Variants in DYNC2H1 observed in about 807,000 individuals in gnomAD.
DYNC2H1 encodes the protein cytoplasmic dynein 2 heavy chain 1.
A neutral mutation model predicts 570.0 loss-of-function variants in DYNC2H1; 410 were observed. That is an observed-to-expected ratio of 0.72 (90% CI 0.66 to 0.78). DYNC2H1 has a LOEUF of 0.78. Among genes scored for constraint, DYNC2H1 ranks in the 30% least tolerant of loss-of-function variants. The probability of loss-of-function intolerance (pLI) is 0.00; values close to 1 mark genes in which losing one functional copy is unlikely to be tolerated. For synonymous variants in DYNC2H1, 1,688 were observed against 1,677.6 expected (o/e 1.01, Z -0.15); for missense variants, 4,865 against 5,046.4 (o/e 0.96, Z 1.09).
rs187446346 is a variant in DYNC2H1, at chr11:103,319,588, G to C, written c.11726-1441G>C. Among the ~76,000 whole-genome samples, 88 of 152,128 alleles carry C rather than the reference G, an allele frequency of 5.8e-4. No individual in the cohort carries two copies. The highest frequency in any genetic ancestry group is 2.0e-3 in the African/African-American group (84 of 41,530). ...TCAGTAATTGTTGGCTGTTATTATT[G>C]CTATTGTTGTAATTTAAGTTCTATT... On this transcript the variant is annotated intron_variant, in intron 80 of 88. Coordinates refer to ENST00000375735, the MANE Select transcript of DYNC2H1 (RefSeq NM_001377.3). This position sits in a 1 kb window ranked among gnomAD's most constrained non-coding sequence, Gnocchi z 4.3.
intron 83 of DYNC2H1, among the ~76,000 whole-genome samples, 176 bp downstream of exon 83, chr11:103,358,535 ACT>A (rs970595780): frequency 1.6e-4 from 25 of 151,938 alleles, no homozygotes; most frequent in Non-Finnish European, 2.8e-4. Flanking sequence ...AGTATTTTTT[ACT>A]CTCTCTTTTA....
intron 82 of DYNC2H1, among the ~76,000 whole-genome samples, chr11:103,357,795 A>C (rs759892937): frequency 8.6e-4 from 131 of 152,012 alleles, no homozygotes; most frequent in Middle Eastern, 3.4e-3. Flanking sequence ...TCTACCAAAA[A>C]TAAAATTAGC....
At chr11:103,240,290 G>A (rs1333877530) in intron 63 of DYNC2H1, among the ~76,000 whole-genome samples, 1 of 152,078 alleles carries the variant, frequency 6.6e-6, no homozygotes, top group Non-Finnish European at 1.5e-5. Flanking sequence ...CTGAAGATGT[G>A]TCATTCACTC....
rs1227752015 is a variant in DYNC2H1, at chr11:103,261,246, G to A, written c.10695+1269G>A. On this transcript the variant is annotated intron_variant, in intron 70 of 88. Transcript: ENST00000375735. The surrounding 1 kb of genome is among the most constrained non-coding windows in gnomAD (Gnocchi z 4.8). ...ATCTCCCTGAGACAGAGCAGCTGGG[G>A]GGAAGGGGTGGCTGTGGGCGCAGCA... Among the ~76,000 whole-genome samples, 5 of 151,382 alleles carry A rather than the reference G, an allele frequency of 3.3e-5. No homozygotes were observed. Among genetic ancestry groups the A allele is most frequent in the African/African-American group, 1.2e-4 (5 of 41,444 alleles).
At chr11:103,457,756 T>C (rs1032867441) in intron 87 of DYNC2H1, among the ~76,000 whole-genome samples, 1 of 152,142 alleles carries the variant, frequency 6.6e-6, no homozygotes, top group African/African-American at 2.4e-5. Flanking sequence ...ATTACAGGCA[T>C]GAGCTATTGC....
intron 50 of DYNC2H1, among the ~76,000 whole-genome samples, chr11:103,200,671 C>G (rs1341901165): frequency 6.6e-6 from 1 of 152,068 alleles, no homozygotes; most frequent in African/African-American, 2.4e-5. Flanking sequence ...TACATATACT[C>G]CAGATATATG....
chr11:103,267,966 T>A (rs989654436), intron 70 of DYNC2H1, among the ~76,000 whole-genome samples: 5 of 152,120 alleles, frequency 3.3e-5, no homozygotes, highest in Admixed American at 1.3e-4. Context: ...AATATGACCA[T>A]GTACTACTTC....
intron 50 of DYNC2H1, 21 bp downstream of exon 50, chr11:103,200,175 C>A (rs540242319): frequency 4.9e-6 from 7 of 1,437,782 alleles, no homozygotes; most frequent in African/African-American, 2.9e-5. Context: ...AGTTTCTTTT[C>A]GAAGAAAATA....
chr11:103,439,172 G>A lies in DYNC2H1; in HGVS notation c.12456+3140G>A, dbSNP rs1944171746. On this transcript the variant is annotated intron_variant, in intron 85 of 88. Transcript: ENST00000375735. This position sits in a 1 kb window ranked among gnomAD's most constrained non-coding sequence, Gnocchi z 4.1. ...GTGATAAAGGAAGTACAGTATTATG[G>A]AAGCAAATAGCACTATTTAACCTAG... 6.6e-6 allele frequency among the ~76,000 whole-genome samples: 1 copy of A among 152,044 alleles called. No homozygotes were observed.
intron 82 of DYNC2H1, among the ~76,000 whole-genome samples, chr11:103,336,663 T>C (rs1939149745): frequency 6.6e-6 from 1 of 152,236 alleles, no homozygotes; most frequent in South Asian, 2.1e-4. Flanking sequence ...TGAAATAATA[T>C]TCCATTGTTT....
chr11:103,379,417 A>G (rs1015481889), intron 83 of DYNC2H1, among the ~76,000 whole-genome samples: 1 of 152,156 alleles, frequency 6.6e-6, no homozygotes, highest in African/African-American at 2.4e-5. Context: ...CAGTTTTCCA[A>G]AATTTTTATA....
chr11:103,171,507 C>T (rs149827656), intron 34 of DYNC2H1, among the ~76,000 whole-genome samples: 2 of 152,242 alleles, frequency 1.3e-5, no homozygotes, highest in East Asian at 1.9e-4. Context: ...CCACCCCCCT[C>T]GGCCTCCCAA....
At chr11:103,405,744 G>A (rs1271492079) in intron 84 of DYNC2H1, 3 of 151,926 alleles carry the variant, frequency 2.0e-5, no homozygotes, top group East Asian at 1.9e-4. Context: ...GGCTTAAGGC[G>A]GTGCCCCCTA....
chr11:103,310,518 GTTGT>G (rs1867527813), intron 78 of DYNC2H1, among the ~76,000 whole-genome samples: 1 of 151,826 alleles, frequency 6.6e-6, no homozygotes, highest in Non-Finnish European at 1.5e-5. Context: ...ACTCTAAGTG[GTTGT>G]TTGGTTTCCT....
intron 87 of DYNC2H1, among the ~76,000 whole-genome samples, chr11:103,457,653 C>T (rs313867): frequency 0.53 from 81,167 of 151,880 alleles, 22,331 homozygotes; most frequent in African/African-American, 0.67. Context: ...TGTACAGATA[C>T]GCAAAAAATC....
At position 103,109,603 on chromosome 11, in the gene DYNC2H1, A is replaced by G. The variant is rs369173537; in HGVS notation, c.29A>G (p.Lys10Arg). Residue 10 changes from lysine (K) to arginine (R), a missense_variant, in exon 1 of 89, where the codon AAG becomes AGG. Physicochemically the swap from Lys to Arg is conservative, Grantham distance 26. This residue lies in a region of DYNC2H1 where 1,936 missense variants were observed against 1,962.1 expected (regional missense o/e 0.99). Transcript: ENST00000375735. MANGTADVR[K>R]LFIFTTTQNY... ...GCGAACGGGACTGCGGACGTTCGGA[A>G]GCTCTTCATCTTCACTACTACCCAG... The G allele has an allele frequency of 1.9e-6, 3 of 1,613,694 alleles. No homozygotes were observed. The highest frequency in any genetic ancestry group is 1.7e-6 in the Non-Finnish European group (2 of 1,179,838).
intron 84 of DYNC2H1, among the ~76,000 whole-genome samples, chr11:103,422,121 A>G (rs188532267): frequency 1.0e-3 from 153 of 152,178 alleles, no homozygotes; most frequent in African/African-American, 3.3e-3. Context: ...GGACACATAC[A>G]CCCTCCCAAG....
At position 103,356,074 on chromosome 11, in the gene DYNC2H1, G is replaced by A. The variant is rs185285198; in HGVS notation, c.12040-2169G>A. The stretch of plus-strand genomic sequence containing the variant: ...GCATAATTCATGCTGTTAATTATGG[G>A]TAGAAAGTGGAAGAATTGATGTAAA... On this transcript the variant is annotated intron_variant, in intron 82 of 88. Coordinates refer to ENST00000375735, the MANE Select transcript of DYNC2H1 (RefSeq NM_001377.3). 2.6e-3 allele frequency among the ~76,000 whole-genome samples: 395 copies of A among 152,170 alleles called. 4 individuals are homozygous for A. The highest frequency in any genetic ancestry group is 8.7e-3 in the African/African-American group (363 of 41,518).
At chr11:103,208,851 A>C (rs965298331) in intron 52 of DYNC2H1, among the ~76,000 whole-genome samples, 1 of 152,138 alleles carries the variant, frequency 6.6e-6, no homozygotes, top group East Asian at 1.9e-4. Context: ...AAAAAGTACC[A>C]TTTTTACTTC....
Sources: allele counts gnomAD v4.1 joint callset (sites outside exome capture counted in the v4.1 genomes callset), GRCh38; gene constraint gnomAD v4.1.1; regional missense constraint gnomAD v4.1.1; non-coding constraint Gnocchi (gnomAD v3.1); transcripts MANE v1.5; gene names NCBI Gene and HGNC (gene_info 2026-07-23, HGNC 2026-07-21).